The following SLC24A4 variants were observed in gnomAD, a reference collection of about 807,000 sequenced individuals.
SLC24A4 encodes the protein solute carrier family 24 member 4.
SLC24A4 carries 53 observed loss-of-function variants against 79.0 expected under a neutral mutation model. That is an observed-to-expected ratio of 0.67 (90% confidence interval 0.54 to 0.84). The LOEUF is 0.84. Among genes scored for constraint, SLC24A4 ranks in the 40% least tolerant of loss-of-function variants. The probability of loss-of-function intolerance (pLI) is 0.00; values close to 1 mark genes in which losing one functional copy is unlikely to be tolerated. For synonymous variants in SLC24A4, 323 were observed against 323.8 expected (o/e 1.00, Z 0.03); for missense variants, 731 against 822.0 (o/e 0.89, Z 1.35).
rs535903871 is a variant in SLC24A4, at chr14:92,466,202, A to G, written c.1255+9594A>G. Among the ~76,000 whole-genome samples, 18 of 152,298 alleles carry G rather than the reference A, an allele frequency of 1.2e-4. No individual in the cohort carries two copies. In the South Asian group the frequency reaches 3.1e-3, roughly 26 times the overall value. On this transcript the variant is annotated intron_variant, in intron 12 of 16. Transcript: ENST00000532405. ...TAGTCTCTGTAAAACAACCCAACCC[A>G]GTGCTGACAATAGTAGCTACTCAGC...
chr14:92,341,016 T>C (rs1008994533), intron 2 of SLC24A4, among the ~76,000 whole-genome samples: 6 of 152,190 alleles, frequency 3.9e-5, no homozygotes, highest in Non-Finnish European at 8.8e-5. Context: ...TCATCCTGGT[T>C]TCCTTTTCTG....
intron 12 of SLC24A4, among the ~76,000 whole-genome samples, chr14:92,464,045 T>A (rs1893962638): frequency 6.6e-6 from 1 of 152,240 alleles, no homozygotes; most frequent in African/African-American, 2.4e-5. Flanking sequence ...TATCCATTCA[T>A]CAGTTGATAG....
intron 12 of SLC24A4, among the ~76,000 whole-genome samples, chr14:92,472,654 G>A (rs34798801): frequency 0.15 from 22,438 of 151,840 alleles, 2,050 homozygotes; most frequent in East Asian, 0.39. Context: ...GTGCATATAT[G>A]TACACACCAC....
intron 2 of SLC24A4, among the ~76,000 whole-genome samples, chr14:92,388,744 G>A (rs1415940986): frequency 1.3e-5 from 2 of 152,162 alleles, no homozygotes; most frequent in South Asian, 2.1e-4. Flanking sequence ...GGTCATGACC[G>A]CAGGACTTGC....
intron 15 of SLC24A4, 57 bp downstream of exon 15, chr14:92,491,834 C>A: frequency 1.4e-6 from 2 of 1,392,564 alleles, no homozygotes; most frequent in Non-Finnish European, 2.0e-6. Context: ...GTGGTGTTGG[C>A]CCAGTTCCAG....
intron 2 of SLC24A4, among the ~76,000 whole-genome samples, chr14:92,425,383 CT>C (rs1891510520): frequency 6.6e-6 from 1 of 152,210 alleles, no homozygotes; most frequent in Admixed American, 6.5e-5. Context: ...CACTATTCAC[CT>C]CACTACAGGG....
rs997424966 is a variant in SLC24A4, at chr14:92,494,845, T to A, written c.*1217T>A. The A allele has an allele frequency of 2.0e-5, 3 of 152,628 alleles. No homozygotes were observed. The highest frequency in any genetic ancestry group is 6.5e-5 in the Admixed American group (1 of 15,278). The allele number at this position is 152,628 out of a possible 1,614,324, so 9.5% of individuals were successfully genotyped here. A position where few individuals can be genotyped will look rare whatever the true frequency, so the allele number is the denominator to read the frequency against. ...GGCAGGCCAAGAATGGGAGGCTGAC[T>A]CAAAACTAGATAGAAAAATATAAAA... is the stretch of plus-strand genomic sequence containing the variant. On this transcript the variant is annotated 3_prime_UTR_variant, in exon 17 of 17. Transcript: ENST00000532405. This position sits in a 1 kb window ranked among gnomAD's most constrained non-coding sequence, Gnocchi z 4.6.
At chr14:92,379,206 T>C (rs1421946537) in intron 2 of SLC24A4, among the ~76,000 whole-genome samples, 2 of 152,122 alleles carry the variant, frequency 1.3e-5, no homozygotes, top group East Asian at 1.9e-4. Flanking sequence ...TAGTGAGAGG[T>C]GGGGGATGAC....
intron 9 of SLC24A4, among the ~76,000 whole-genome samples, chr14:92,448,563 T>C (rs1271460402): frequency 6.6e-6 from 1 of 152,188 alleles, no homozygotes; most frequent in East Asian, 1.9e-4. Flanking sequence ...TGTCCTTAAA[T>C]GATCTCCACT....
intron 2 of SLC24A4, among the ~76,000 whole-genome samples, chr14:92,383,191 GAGA>G (rs534126328): frequency 9.1e-4 from 139 of 152,338 alleles, no homozygotes; most frequent in Middle Eastern, 3.4e-3. Flanking sequence ...CCTCATGGCA[GAGA>G]AGGAGACCTG....
chr14:92,471,805 G>T (rs79323339), intron 12 of SLC24A4, among the ~76,000 whole-genome samples: 3,584 of 152,200 alleles, frequency 0.024, 139 homozygotes, highest in African/African-American at 0.083. Flanking sequence ...AGGAAAATTG[G>T]CATGCTGTTA....
At chr14:92,390,764 C>T (rs990885962) in intron 2 of SLC24A4, among the ~76,000 whole-genome samples, 1 of 152,174 alleles carries the variant, frequency 6.6e-6, no homozygotes, top group Non-Finnish European at 1.5e-5. Flanking sequence ...GGGAACATTC[C>T]GATTCCTATT....
intron 2 of SLC24A4, among the ~76,000 whole-genome samples, chr14:92,355,665 G>A (rs2402131): frequency 0.55 from 83,595 of 152,104 alleles, 26,261 homozygotes; most frequent in East Asian, 0.78. Flanking sequence ...GCCGGGCCTG[G>A]GGTGCTGCCT....
chr14:92,493,925 G>C lies in SLC24A4; in HGVS notation c.*297G>C. The C allele has an allele frequency of 2.7e-6, 1 of 373,494 alleles. No individual in the cohort carries two copies. The highest frequency in any genetic ancestry group is 4.9e-6 in the Non-Finnish European group (1 of 204,490). 23.1% of individuals were successfully genotyped at this position (373,494 alleles called of 1,614,324 possible). A position where few individuals can be genotyped will look rare whatever the true frequency, so the allele number is the denominator to read the frequency against. ...ATGTGCCAAGCATCTCATCTCTCCT[G>C]CACACTTTAGTCAGAAGGACTTCTG... On this transcript the variant is annotated 3_prime_UTR_variant, in exon 17 of 17. Coordinates refer to ENST00000532405, the MANE Select transcript of SLC24A4 (RefSeq NM_153646.4).
intron 2 of SLC24A4, among the ~76,000 whole-genome samples, chr14:92,358,805 A>C (rs12436445): frequency 0.89 from 133,925 of 151,238 alleles, 59,544 homozygotes; most frequent in East Asian, 0.97. Context: ...CTGCCTCAGC[A>C]TCCCAAGTGG....
At position 92,333,080 on chromosome 14, in the gene SLC24A4, A is replaced by G. The variant is rs183470477; in HGVS notation, c.241+7102A>G. On this transcript the variant is annotated intron_variant, in intron 2 of 16. Transcript: ENST00000532405. ...TTTCCCCCTCTCTAACACTGCCTTT[A>G]TCCCCAACTTCTGGGTTTAAAAAAT... Among the ~76,000 whole-genome samples the G allele has an allele frequency of 7.2e-5, 11 of 152,236 alleles. No individual in the cohort carries two copies. The East Asian group carries it at 1.7e-3, about 24-fold the overall frequency.
intron 2 of SLC24A4, among the ~76,000 whole-genome samples, chr14:92,412,985 AT>A (rs1199254538): frequency 2.6e-5 from 4 of 152,228 alleles, no homozygotes; most frequent in African/African-American, 9.7e-5. Context: ...ATAAAGTTTT[AT>A]TGGAACACAG....
chr14:92,362,918 G>A (rs1401927399), intron 2 of SLC24A4, among the ~76,000 whole-genome samples: 1 of 152,202 alleles, frequency 6.6e-6, no homozygotes, highest in African/African-American at 2.4e-5. Flanking sequence ...GGATGCAGAC[G>A]CCATGCCGGC....
At chr14:92,454,149 C>T (rs1893322009) in intron 11 of SLC24A4, 80 bp downstream of exon 11, 3 of 1,434,926 alleles carry the variant, frequency 2.1e-6, no homozygotes, top group Non-Finnish European at 1.9e-6. Flanking sequence ...TTCCTGGTGC[C>T]ATTGATCACT....
Sources: allele counts gnomAD v4.1 joint callset (sites outside exome capture counted in the v4.1 genomes callset), GRCh38; gene constraint gnomAD v4.1.1; non-coding constraint Gnocchi (gnomAD v3.1); transcripts MANE v1.5; gene names NCBI Gene and HGNC (gene_info 2026-07-23, HGNC 2026-07-21).